The following ANO3 variants were observed in gnomAD, a reference collection of about 807,000 sequenced individuals.
The protein encoded by ANO3 is anoctamin-3.
Under a neutral mutation model 144.8 loss-of-function variants are expected in ANO3, and 99 were observed. The ratio of observed to expected loss-of-function variants is 0.68; its 90% confidence interval spans 0.58 to 0.81. ANO3 has a LOEUF of 0.81. Among genes scored for constraint, ANO3 ranks in the 30% least tolerant of loss-of-function variants. ANO3 has a pLI of 0.00. For synonymous variants in ANO3, 414 were observed against 392.6 expected, an observed-to-expected ratio of 1.05 and a Z score of -0.64; for missense variants, 905 against 1,202.2, an observed-to-expected ratio of 0.75 and a Z score of 3.66.
chr11:26,542,928 A>G (rs1849682363), intron 11 of ANO3, among the ~76,000 whole-genome samples: 1 of 152,118 alleles, frequency 6.6e-6, no homozygotes, highest in Non-Finnish European at 1.5e-5. Context: ...AATAAATCAC[A>G]GCTGAATCAG....
chr11:26,372,670 AC>A (rs763870725), intron 1 of ANO3, among the ~76,000 whole-genome samples: 2 of 152,200 alleles, frequency 1.3e-5, no homozygotes, highest in Non-Finnish European at 2.9e-5. Flanking sequence ...CACCAAACAT[AC>A]AAAAAATTTT....
chr11:26,232,755 T>G (rs36142320), intron 1 of ANO3, among the ~76,000 whole-genome samples: 54,820 of 151,936 alleles, frequency 0.36, 10,996 homozygotes, highest in Non-Finnish European at 0.44. Flanking sequence ...CCAAAAGCAA[T>G]TGCAACAAAA....
chr11:26,627,118 T>C (rs1160501217), intron 18 of ANO3, among the ~76,000 whole-genome samples: 1 of 151,180 alleles, frequency 6.6e-6, no homozygotes, highest in Admixed American at 6.6e-5. Flanking sequence ...AATTCTTTTA[T>C]ATATATATAT....
intron 20 of ANO3, among the ~76,000 whole-genome samples, chr11:26,637,361 C>G (rs929394565): frequency 1.3e-5 from 2 of 152,110 alleles, no homozygotes; most frequent in Non-Finnish European, 2.9e-5. Flanking sequence ...TTCAAGGCAG[C>G]AAACACATTG....
chr11:26,583,734 A>AG (rs1851197389), intron 14 of ANO3, among the ~76,000 whole-genome samples: 1 of 152,242 alleles, frequency 6.6e-6, no homozygotes, highest in Admixed American at 6.5e-5. Context: ...GTGTTGCAAT[A>AG]GTGCATTGGG....
intron 1 of ANO3, among the ~76,000 whole-genome samples, chr11:26,268,025 T>C (rs1853353293): frequency 1.3e-5 from 2 of 151,952 alleles, no homozygotes; most frequent in Non-Finnish European, 2.9e-5. Context: ...CACTGCAGAG[T>C]CGAGAAAATA....
intron 1 of ANO3, among the ~76,000 whole-genome samples, chr11:26,418,673 G>A (rs978141486): frequency 5.3e-5 from 8 of 152,076 alleles, no homozygotes; most frequent in African/African-American, 1.9e-4. Context: ...GGGATGATCA[G>A]GAGTCCCATT....
At chr11:26,619,762 C>T (rs1177007612) in intron 17 of ANO3, among the ~76,000 whole-genome samples, 3 of 152,240 alleles carry the variant, frequency 2.0e-5, no homozygotes, top group Non-Finnish European at 2.9e-5. Context: ...CCACTGCGCC[C>T]GGCCAAAAAA....
At position 26,660,452 on chromosome 11, in the gene ANO3, C is replaced by A. The variant is rs1853845163; in HGVS notation, c.*8C>A. ...CACCATGAATGGCCTTAGTTGACAC[C>A]TGTTACCCATTAGGGGTGATAACAT... On this transcript the variant is annotated 3_prime_UTR_variant, in exon 27 of 27. Transcript: ENST00000256737. 6.2e-7 allele frequency: 1 copy of A among 1,607,496 alleles called. No individual in the cohort carries two copies.
At position 26,355,942 on chromosome 11, in the gene ANO3, T is replaced by C. The variant is rs555887829; in HGVS notation, c.46+23621T>C. Among the ~76,000 whole-genome samples, 10 of 152,270 alleles carry C rather than the reference T, an allele frequency of 6.6e-5. No individual in the cohort carries two copies. The South Asian group carries it at 1.9e-3, about 28-fold the overall frequency. On this transcript the variant is annotated intron_variant, in intron 1 of 26. Coordinates refer to ENST00000256737, the MANE Select transcript of ANO3 (RefSeq NM_031418.4). ...TTGACCACTTTGTGAGCAACTTCTT[T>C]CCAATCTATAAATGGATATCCTTTG...
chr11:26,374,345 C>A (rs1856344608), intron 1 of ANO3, among the ~76,000 whole-genome samples: 1 of 152,118 alleles, frequency 6.6e-6, no homozygotes, highest in African/African-American at 2.4e-5. Context: ...AAGAGAGCTG[C>A]TTTGTAGTCC....
At chr11:26,574,907 C>T (rs1161013881) in intron 14 of ANO3, among the ~76,000 whole-genome samples, 1 of 152,044 alleles carries the variant, frequency 6.6e-6, no homozygotes, top group Non-Finnish European at 1.5e-5. Context: ...AGTATACATA[C>T]TTGCATGCAT....
intron 1 of ANO3, among the ~76,000 whole-genome samples, chr11:26,368,143 A>T (rs1235101904): frequency 1.3e-5 from 2 of 152,218 alleles, no homozygotes; most frequent in African/African-American, 4.8e-5. Flanking sequence ...CTCTCTCCAG[A>T]TGAAATCCTG....
chr11:26,360,480 G>A (rs1381186979), intron 1 of ANO3, among the ~76,000 whole-genome samples: 1 of 152,130 alleles, frequency 6.6e-6, no homozygotes, highest in Non-Finnish European at 1.5e-5. Flanking sequence ...AAAAGACTGA[G>A]ACTATAATTT....
At chr11:26,540,714 G>A (rs561744890) in intron 10 of ANO3, among the ~76,000 whole-genome samples, 8 of 152,164 alleles carry the variant, frequency 5.3e-5, no homozygotes, top group African/African-American at 1.4e-4. Context: ...ACCACTGGTC[G>A]TTAGAGAAAT....
At chr11:26,522,452 T>C (rs1368849710) in intron 6 of ANO3, among the ~76,000 whole-genome samples, 1 of 152,142 alleles carries the variant, frequency 6.6e-6, no homozygotes, top group African/African-American at 2.4e-5. Flanking sequence ...GAGACAATCA[T>C]TTACTTATAA....
At chr11:26,502,740 A>G (rs1861248854) in intron 4 of ANO3, among the ~76,000 whole-genome samples, 2 of 152,078 alleles carry the variant, frequency 1.3e-5, no homozygotes, top group South Asian at 4.2e-4. Context: ...AACTGCAAGT[A>G]TATGATAAAA....
intron 4 of ANO3, among the ~76,000 whole-genome samples, chr11:26,505,941 C>T (rs1051514914): frequency 2.2e-5 from 3 of 137,820 alleles, no homozygotes; most frequent in African/African-American, 5.5e-5. Flanking sequence ...TGCAGTGAGC[C>T]GAGACCGCGC....
At chr11:26,190,029 G>A (rs1019938996) in intron 1 of ANO3, among the ~76,000 whole-genome samples, 3 of 152,080 alleles carry the variant, frequency 2.0e-5, no homozygotes, top group African/African-American at 7.2e-5. Flanking sequence ...AATTAATTGT[G>A]CTTTGTAAAA....
Sources: gnomAD v4.1 joint callset for allele counts (sites outside exome capture counted in the v4.1 genomes callset) on GRCh38, gnomAD v4.1.1 for gene constraint, MANE v1.5 for transcripts, NCBI Gene and HGNC (gene_info 2026-07-23, HGNC 2026-07-21) for gene names.